The following RSPH14 variants were observed in gnomAD, a reference collection of about 807,000 sequenced individuals.
The protein encoded by RSPH14 is radial spoke head 14 homolog.
Under a neutral mutation model 26.7 loss-of-function variants are expected in RSPH14, and 20 were observed. The observed-to-expected ratio is 0.75, with a 90% CI of 0.53 to 1.09. The LOEUF is 1.09. RSPH14 is among the 50% of genes least tolerant of loss of function. The pLI, the probability that RSPH14 is intolerant of heterozygous loss-of-function variation, is 0.00. For synonymous variants in RSPH14, 177 were observed against 189.3 expected, an observed-to-expected ratio of 0.93 and a Z score of 0.53; for missense variants, 449 against 457.2, an observed-to-expected ratio of 0.98 and a Z score of 0.16.
At chr22:23,161,799 G>A in the RSPH14 span, 47 of 540,640 alleles carry the variant, frequency 8.7e-5, 1 homozygote, top group African/African-American at 1.7e-4. Flanking sequence ...CCACACCACC[G>A]GGCCAGTGCA....
chr22:23,118,365 C>T (rs1021280515), intron 4 of RSPH14, among the ~76,000 whole-genome samples: 2 of 152,250 alleles, frequency 1.3e-5, no homozygotes, highest in Non-Finnish European at 2.9e-5. Context: ...TCCTAGAAGG[C>T]GCCATCTTGC....
chr22:23,123,179 G>A, intron 4 of RSPH14: 1 of 1,614,002 alleles, frequency 6.2e-7, no homozygotes, highest in Non-Finnish European at 8.5e-7. Flanking sequence ...TGAACAAGAA[G>A]GACCTGCTGG....
chr22:23,125,956 C>T (rs1302039732), intron 4 of RSPH14, among the ~76,000 whole-genome samples: 2 of 152,204 alleles, frequency 1.3e-5, no homozygotes, highest in South Asian at 2.1e-4. Context: ...CGCGCAGATA[C>T]GCACGCAGCC....
chr22:23,066,305 AT>A (rs1405684947), intron 4 of RSPH14, among the ~76,000 whole-genome samples: 1 of 152,144 alleles, frequency 6.6e-6, no homozygotes, highest in Non-Finnish European at 1.5e-5. Flanking sequence ...GGGGAGGAAT[AT>A]AGAAGGAGTT....
At chr22:23,074,236 A>T (rs2068451230) in intron 4 of RSPH14, among the ~76,000 whole-genome samples, 1 of 152,136 alleles carries the variant, frequency 6.6e-6, no homozygotes, top group African/African-American at 2.4e-5. Flanking sequence ...GTGGGAAAAT[A>T]GGCTAGGGTG....
intron 4 of RSPH14, among the ~76,000 whole-genome samples, chr22:23,102,180 C>T (rs2069322152): frequency 6.6e-6 from 1 of 152,260 alleles, no homozygotes; most frequent in South Asian, 2.1e-4. Flanking sequence ...GCGGCCACCT[C>T]AGTGGGCCTT....
chr22:23,127,178 CAG>C (rs1256653985), intron 4 of RSPH14, among the ~76,000 whole-genome samples: 1 of 152,188 alleles, frequency 6.6e-6, no homozygotes, highest in Non-Finnish European at 1.5e-5. Flanking sequence ...CCATCTGGCT[CAG>C]GGGACAGTGC....
intron 4 of RSPH14, 122 bp downstream of exon 4, chr22:23,133,904 A>G: frequency 1.4e-6 from 1 of 698,604 alleles, no homozygotes; most frequent in Non-Finnish European, 2.6e-6. Context: ...TGCTTTTCTA[A>G]TATGTATGTT....
chr22:23,090,804 C>T (rs1353894113), intron 4 of RSPH14, among the ~76,000 whole-genome samples: 1 of 152,236 alleles, frequency 6.6e-6, no homozygotes, highest in Non-Finnish European at 1.5e-5. Context: ...TGGGCACCTT[C>T]TGCCACTTGC....
upstream of RSPH14, among the ~76,000 whole-genome samples, chr22:23,148,800 C>G (rs2070945035): frequency 6.6e-6 from 1 of 152,226 alleles, no homozygotes; most frequent in Non-Finnish European, 1.5e-5. Context: ...ACCATTGTGT[C>G]TGAGCCAGTC....
At chr22:23,145,547 C>G, upstream of RSPH14, 1 of 1,600,522 alleles carries the variant, frequency 6.2e-7, no homozygotes, top group Non-Finnish European at 8.5e-7. Context: ...TCACAGCCAT[C>G]GCTGGTGAGT....
At chr22:23,106,517 C>A (rs1351588420) in intron 4 of RSPH14, among the ~76,000 whole-genome samples, 1 of 152,208 alleles carries the variant, frequency 6.6e-6, no homozygotes, top group Non-Finnish European at 1.5e-5. Flanking sequence ...GACTTGTGTC[C>A]ATCTGGACTG....
At chr22:23,125,209 C>T (rs1162250187) in intron 4 of RSPH14, among the ~76,000 whole-genome samples, 6 of 152,188 alleles carry the variant, frequency 3.9e-5, no homozygotes, top group African/African-American at 1.2e-4. Flanking sequence ...ATAAACATCA[C>T]GAGAGGAAAG....
upstream of RSPH14, chr22:23,145,540 C>A: frequency 6.2e-7 from 1 of 1,601,752 alleles, no homozygotes; most frequent in Non-Finnish European, 8.5e-7. Context: ...CCAGCTTTCA[C>A]AGCCATCGCT....
upstream of RSPH14, chr22:23,145,441 A>G (rs2070706793): frequency 6.8e-6 from 11 of 1,610,806 alleles, no homozygotes; most frequent in Non-Finnish European, 9.3e-6. Flanking sequence ...CACGACGTCG[A>G]CGATTCGTGT....
At chr22:23,130,710 C>G (rs985250764) in intron 4 of RSPH14, among the ~76,000 whole-genome samples, 3 of 152,160 alleles carry the variant, frequency 2.0e-5, no homozygotes, top group African/African-American at 7.2e-5. Flanking sequence ...GGAAAAACAA[C>G]TCGGCAACAG....
chr22:23,081,560 G>A (rs2068678718), intron 4 of RSPH14, among the ~76,000 whole-genome samples: 1 of 151,146 alleles, frequency 6.6e-6, no homozygotes, highest in South Asian at 2.1e-4. Flanking sequence ...TCAGGTTCAT[G>A]CCTGTAATCC....
At chr22:23,169,732 A>G in the RSPH14 span, among the ~76,000 whole-genome samples, 1 of 152,140 alleles carries the variant, frequency 6.6e-6, no homozygotes, top group East Asian at 1.9e-4. Context: ...CTGGTTGGAT[A>G]GGACCCCTGA....
chr22:23,149,156 A>G (rs1216718404), upstream of RSPH14, among the ~76,000 whole-genome samples: 4 of 136,896 alleles, frequency 2.9e-5, no homozygotes, highest in African/African-American at 8.0e-5. Flanking sequence ...GGATCCAAGC[A>G]GTGTTCAGAG....
Sources: gnomAD v4.1 joint callset for allele counts (sites outside exome capture counted in the v4.1 genomes callset) on GRCh38, gnomAD v4.1.1 for gene constraint, MANE v1.5 for transcripts, NCBI Gene and HGNC (gene_info 2026-07-23, HGNC 2026-07-21) for gene names.